R3HDM1: variants seen among roughly 807,000 people sequenced by gnomAD.
R3HDM1 encodes the protein R3H domain-containing protein 1.
In R3HDM1, 46 loss-of-function variants were observed where a neutral mutation model predicts 141.1. The ratio of observed to expected loss-of-function variants is 0.33; its 90% CI spans 0.26 to 0.42. The LOEUF is 0.42. Ranked by LOEUF, R3HDM1 falls within the 10% of genes least tolerant of loss-of-function variation. The pLI is 1.00. For missense variants in R3HDM1, 1,184 were observed against 1,368.3 expected (o/e 0.87, Z 2.12); for synonymous variants, 435 against 472.9 (o/e 0.92, Z 1.04).
intron 1 of R3HDM1, among the ~76,000 whole-genome samples, chr2:135,578,017 A>G (rs115462400): frequency 1.5e-3 from 230 of 152,240 alleles, no homozygotes; most frequent in African/African-American, 5.3e-3. Context: ...AAATTGACAT[A>G]TGCACTTATC....
intron 21 of R3HDM1, among the ~76,000 whole-genome samples, chr2:135,697,053 G>A (rs2073350223): frequency 6.6e-6 from 1 of 151,986 alleles, no homozygotes; most frequent in Admixed American, 6.6e-5. Context: ...TGAGAGATCG[G>A]GGGGAAACAA....
At chr2:135,532,863 C>T (rs1695223102) in intron 1 of R3HDM1, among the ~76,000 whole-genome samples, 1 of 152,124 alleles carries the variant, frequency 6.6e-6, no homozygotes. Flanking sequence ...TTTTCAAATA[C>T]CACTCTGCTT....
At chr2:135,534,627 A>G (rs1695647289) in intron 1 of R3HDM1, among the ~76,000 whole-genome samples, 1 of 152,266 alleles carries the variant, frequency 6.6e-6, no homozygotes, top group Non-Finnish European at 1.5e-5. Flanking sequence ...GTTCAAGACA[A>G]GCTGCACCTT....
intron 1 of R3HDM1, chr2:135,566,038 A>C (rs1559134638): frequency 6.6e-6 from 1 of 152,252 alleles, no homozygotes; most frequent in Non-Finnish European, 1.5e-5. Context: ...TCTAGCCGAC[A>C]TGCAAGCCCT....
chr2:135,543,816 A>G (rs914209602), intron 1 of R3HDM1, among the ~76,000 whole-genome samples: 1 of 152,194 alleles, frequency 6.6e-6, no homozygotes, highest in African/African-American at 2.4e-5. Flanking sequence ...TAAGAAGACA[A>G]TTTTGGCCAA....
chr2:135,584,414 A>C, intron 1 of R3HDM1: 1 of 940,596 alleles, frequency 1.1e-6, no homozygotes, highest in Non-Finnish European at 1.3e-6. Context: ...AGCATGTTTA[A>C]GCACAGTTCC....
chr2:135,714,443 T>G (rs2075966395), intron 23 of R3HDM1, among the ~76,000 whole-genome samples: 1 of 152,192 alleles, frequency 6.6e-6, no homozygotes, highest in Non-Finnish European at 1.5e-5. Context: ...TGCTTCAGAT[T>G]AAAGAAGATT....
At chr2:135,547,767 C>CTTTTTTTTTTTTTTTTTTTTTTTTTTTT (rs56950620) in intron 1 of R3HDM1, among the ~76,000 whole-genome samples, 2 of 107,372 alleles carry the variant, frequency 1.9e-5, no homozygotes, top group Non-Finnish European at 1.8e-5. Flanking sequence ...TTTTTCTTTT[C>CTTTTTTTTTTTTTTTTTTTTTTTTTTTT]TTTTTTTTTT....
chr2:135,651,114 A>G (rs962187158), intron 17 of R3HDM1: 1 of 985,388 alleles, frequency 1.0e-6, no homozygotes, highest in Non-Finnish European at 1.2e-6. Flanking sequence ...TTTGAATTAC[A>G]TTTGTCAAAT....
intron 1 of R3HDM1, among the ~76,000 whole-genome samples, chr2:135,547,293 G>A (rs959135071): frequency 6.6e-6 from 1 of 152,088 alleles, no homozygotes; most frequent in Non-Finnish European, 1.5e-5. Context: ...TGGTGGGTCT[G>A]CATTTGACTA....
intron 1 of R3HDM1, chr2:135,566,768 G>C: frequency 1.0e-6 from 1 of 985,214 alleles, no homozygotes; most frequent in Non-Finnish European, 1.2e-6. Flanking sequence ...TAAGCCCAGC[G>C]CGGTGGCTCA....
intron 1 of R3HDM1, chr2:135,597,105 A>G: frequency 2.2e-5 from 22 of 978,936 alleles, no homozygotes; most frequent in Non-Finnish European, 2.7e-5. Flanking sequence ...TTTGTTTCAT[A>G]TAGTCTTACA....
At chr2:135,651,039 T>C (rs989380101) in intron 17 of R3HDM1, 1 of 985,282 alleles carries the variant, frequency 1.0e-6, no homozygotes. Context: ...GTTTGTCAGA[T>C]AGCACATAAA....
intron 18 of R3HDM1, among the ~76,000 whole-genome samples, chr2:135,652,801 C>T (rs973206405): frequency 6.6e-6 from 1 of 152,130 alleles, no homozygotes; most frequent in African/African-American, 2.4e-5. Flanking sequence ...TTTTAAATTA[C>T]AAATTTAATT....
chr2:135,724,253 C>T lies in R3HDM1; in HGVS notation c.3366C>T (p.His1122=), dbSNP rs745526356. The change falls in exon 27 of 27, where the codon CAC becomes CAT. Residue 1122 remains histidine, a synonymous_variant. Transcript: ENST00000683871. The part of the protein sequence containing the change: ...NKFKLRTSKK[H]YDFHILERAS... Reference sequence around the variant, plus strand: ...TTAAGCTGAGAACAAGCAAGAAGCACTATGACTTTCACATTTTGGAAAGGG... The same window carrying T: ...TTAAGCTGAGAACAAGCAAGAAGCATTATGACTTTCACATTTTGGAAAGGG... The T allele has an allele frequency of 1.2e-6, 2 of 1,613,686 alleles. No homozygotes were observed. The highest frequency in any genetic ancestry group is 2.2e-5 in the South Asian group (2 of 91,054).
intron 1 of R3HDM1, among the ~76,000 whole-genome samples, chr2:135,553,979 G>A (rs1290749317): frequency 2.0e-5 from 3 of 152,160 alleles, no homozygotes; most frequent in East Asian, 1.9e-4. Context: ...CATGAGCCAC[G>A]ACGCTCAGCC....
chr2:135,704,276 G>C (rs533805090), intron 21 of R3HDM1, among the ~76,000 whole-genome samples: 2 of 150,650 alleles, frequency 1.3e-5, no homozygotes, highest in Admixed American at 1.3e-4. Flanking sequence ...CGCCACACCC[G>C]GCTGAACTGA....
rs926754262 is a variant in R3HDM1 at position 135,576,062 on chromosome 2, G to C, written c.-249-26438G>C. On this transcript the variant is annotated intron_variant, in intron 1 of 26. Transcript: ENST00000683871. ...AATAAATAAATAGAGAAGTGGAATA[G>C]AAAGCCCAGAAACAGACACAGGTAC... Among the ~76,000 whole-genome samples the C allele has an allele frequency of 2.0e-5, 3 of 152,112 alleles. No homozygotes were observed. The East Asian group carries it at 5.8e-4, about 29-fold the overall frequency.
intron 19 of R3HDM1, chr2:135,669,275 T>C: frequency 1.0e-6 from 1 of 985,400 alleles, no homozygotes; most frequent in Non-Finnish European, 1.2e-6. Flanking sequence ...CATATGCTTA[T>C]TTACACCTGC....
Sources: gnomAD v4.1 joint callset for allele counts (sites outside exome capture counted in the v4.1 genomes callset) on GRCh38, gnomAD v4.1.1 for gene constraint, MANE v1.5 for transcripts, NCBI Gene and HGNC (gene_info 2026-07-23, HGNC 2026-07-21) for gene names.